Variants in DRC8 observed in about 807,000 individuals in gnomAD.
DRC8 encodes the protein dynein regulatory complex protein 8.
At chr1:245,051,888 A>C in the DRC8 span, among the ~76,000 whole-genome samples, 1 of 147,538 alleles carries the variant, frequency 6.8e-6, no homozygotes, top group Non-Finnish European at 1.5e-5. Flanking sequence ...TTATTTCTCC[A>C]AGGCTACGAG....
At chr1:244,979,632 G>A in the DRC8 span, among the ~76,000 whole-genome samples, 1 of 151,456 alleles carries the variant, frequency 6.6e-6, no homozygotes, top group Admixed American at 6.6e-5. Flanking sequence ...AGTAGAGACG[G>A]GGTTTCACCA....
At chr1:245,010,150 C>G in the DRC8 span, among the ~76,000 whole-genome samples, 1 of 152,162 alleles carries the variant, frequency 6.6e-6, no homozygotes, top group Admixed American at 6.5e-5. Context: ...CATGAGCCAC[C>G]GCTCCCGACC....
the DRC8 span, among the ~76,000 whole-genome samples, chr1:245,045,680 C>G: frequency 6.6e-6 from 1 of 152,144 alleles, no homozygotes; most frequent in African/African-American, 2.4e-5. Context: ...TTTTCGCAGC[C>G]AATCAGAGGC....
At chr1:245,073,381 C>T in the DRC8 span, among the ~76,000 whole-genome samples, 3 of 152,154 alleles carry the variant, frequency 2.0e-5, no homozygotes, top group Admixed American at 1.3e-4. Flanking sequence ...GGTGATCTGG[C>T]CACCTCGGCC....
chr1:244,977,940 G>T, the DRC8 span, among the ~76,000 whole-genome samples: 5 of 152,112 alleles, frequency 3.3e-5, no homozygotes, highest in African/African-American at 1.2e-4. Context: ...AAGGACACGT[G>T]GGGGAGCCCA....
chr1:245,068,892 A>G, the DRC8 span, among the ~76,000 whole-genome samples: 1 of 152,222 alleles, frequency 6.6e-6, no homozygotes, highest in Non-Finnish European at 1.5e-5. Context: ...CACAAGAAAA[A>G]AAAGGAAGGG....
the DRC8 span, chr1:245,002,358 C>T: frequency 4.2e-6 from 3 of 718,850 alleles, no homozygotes; most frequent in Non-Finnish European, 7.2e-6. Flanking sequence ...ATACTCCCTA[C>T]TCTATAAATC....
At chr1:245,030,520 T>A in the DRC8 span, 1 of 152,258 alleles carries the variant, frequency 6.6e-6, no homozygotes, top group Non-Finnish European at 1.5e-5. Flanking sequence ...CCTCTCAGTG[T>A]ACTGGAAGGA....
the DRC8 span, among the ~76,000 whole-genome samples, chr1:245,064,195 C>T: frequency 2.0e-5 from 3 of 152,150 alleles, no homozygotes; most frequent in African/African-American, 7.2e-5. Flanking sequence ...AGGGCCTACC[C>T]CTGGCTTTCA....
chr1:245,085,737 T>C, the DRC8 span, among the ~76,000 whole-genome samples: 5 of 152,266 alleles, frequency 3.3e-5, no homozygotes, highest in East Asian at 9.6e-4. Flanking sequence ...GTTTGTTAGA[T>C]GCATAAGAAA....
chr1:245,038,737 A>G, the DRC8 span, among the ~76,000 whole-genome samples: 2 of 152,204 alleles, frequency 1.3e-5, no homozygotes, highest in African/African-American at 2.4e-5. Context: ...GTGTGCAACA[A>G]GTATCTAGGT....
the DRC8 span, among the ~76,000 whole-genome samples, chr1:245,101,130 C>G: frequency 6.6e-6 from 1 of 152,206 alleles, no homozygotes; most frequent in Non-Finnish European, 1.5e-5. Flanking sequence ...GGTGATCCAC[C>G]TGCCTCGGCC....
the DRC8 span, among the ~76,000 whole-genome samples, chr1:245,101,316 G>A: frequency 1.1e-4 from 16 of 152,280 alleles, no homozygotes; most frequent in African/African-American, 3.9e-4. Context: ...TGGTTTTGCT[G>A]GTTGCATCAT....
chr1:245,073,487 A>C, the DRC8 span, among the ~76,000 whole-genome samples: 1 of 152,108 alleles, frequency 6.6e-6, no homozygotes, highest in Non-Finnish European at 1.5e-5. Context: ...TGCTGATTGT[A>C]GGGGAGGCTG....
chr1:245,095,953 A>G, the DRC8 span, among the ~76,000 whole-genome samples: 3 of 152,142 alleles, frequency 2.0e-5, no homozygotes, highest in Admixed American at 6.6e-5. Context: ...TTATTTTGCA[A>G]TTAGATAGGG....
At chr1:244,983,700 A>AT in the DRC8 span, among the ~76,000 whole-genome samples, 1 of 136,180 alleles carries the variant, frequency 7.3e-6, no homozygotes, top group Non-Finnish European at 1.5e-5. Flanking sequence ...AGGTCATGCC[A>AT]TTGTACTCCA....
the DRC8 span, among the ~76,000 whole-genome samples, chr1:244,983,477 C>G: frequency 3.9e-5 from 6 of 152,024 alleles, no homozygotes; most frequent in African/African-American, 1.4e-4. Context: ...TGGTAGCTCA[C>G]ACCTGTAATT....
the DRC8 span, among the ~76,000 whole-genome samples, chr1:245,003,264 C>G: frequency 7.4e-6 from 1 of 135,600 alleles, no homozygotes; most frequent in Non-Finnish European, 1.7e-5. Flanking sequence ...GTGTAAGTAT[C>G]TGTTCGAGTT....
the DRC8 span, among the ~76,000 whole-genome samples, chr1:245,008,925 C>T: frequency 6.6e-6 from 1 of 151,682 alleles, no homozygotes; most frequent in African/African-American, 2.4e-5. Flanking sequence ...TGGGCTCAAG[C>T]AGTGCCCCCA....
Sources: allele counts gnomAD v4.1 joint callset (sites outside exome capture counted in the v4.1 genomes callset), GRCh38; gene constraint gnomAD v4.1.1; transcripts MANE v1.5; gene names NCBI Gene and HGNC (gene_info 2026-07-23, HGNC 2026-07-21).